BNC2: variants seen among roughly 807,000 people sequenced by gnomAD.
BNC2 encodes basonuclin zinc finger protein 2.
Under a neutral mutation model 76.3 loss-of-function variants are expected in BNC2, and 20 were observed. The ratio of observed to expected loss-of-function variants is 0.26; its 90% CI spans 0.18 to 0.38. The LOEUF (loss-of-function observed/expected upper bound fraction) is 0.38. BNC2 is among the 10% of genes least tolerant of loss of function. The probability of loss-of-function intolerance (pLI) is 1.00; values close to 1 mark genes in which losing one functional copy is unlikely to be tolerated. For synonymous variants in BNC2, 582 were observed against 514.8 expected (o/e 1.13, Z -1.77); for missense variants, 1,382 against 1,399.8 (o/e 0.99, Z 0.20).
intron 6 of BNC2, among the ~76,000 whole-genome samples, chr9:16,426,326 T>A (rs949878034): frequency 2.1e-5 from 1 of 47,010 alleles, no homozygotes; most frequent in Non-Finnish European, 4.1e-5. Flanking sequence ...CATGCCCAGC[T>A]TTTTTTTTTT....
intron 1 of BNC2, among the ~76,000 whole-genome samples, chr9:16,784,338 T>C (rs1249706086): frequency 6.6e-6 from 1 of 152,220 alleles, no homozygotes; most frequent in Non-Finnish European, 1.5e-5. Context: ...ACTACTATAC[T>C]ACCACTACTA....
intron 3 of BNC2, among the ~76,000 whole-genome samples, chr9:16,644,567 T>C (rs777354354): frequency 6.6e-6 from 1 of 152,202 alleles, no homozygotes; most frequent in Non-Finnish European, 1.5e-5. Flanking sequence ...AAAATGTTCA[T>C]CTTTTTCTTT....
At chr9:16,738,634 A>G in intron 1 of BNC2, 149 bp from the exon 2 acceptor site, 1 of 865,982 alleles carries the variant, frequency 1.2e-6, no homozygotes, top group Non-Finnish European at 1.8e-6. Flanking sequence ...TCTAAGGCTG[A>G]TAGTAGCCAA....
intron 5 of BNC2, among the ~76,000 whole-genome samples, chr9:16,509,989 T>C (rs1202572129): frequency 2.0e-5 from 3 of 152,236 alleles, no homozygotes; most frequent in Non-Finnish European, 2.9e-5. Context: ...TTACACTGGT[T>C]AGACCATTTT....
chr9:16,798,256 T>C (rs1343076907), intron 1 of BNC2, among the ~76,000 whole-genome samples: 1 of 152,208 alleles, frequency 6.6e-6, no homozygotes, highest in African/African-American at 2.4e-5. Context: ...CATATATCTT[T>C]GATGTCCCAC....
chr9:16,690,842 G>A (rs766223351), intron 3 of BNC2, among the ~76,000 whole-genome samples: 27 of 152,244 alleles, frequency 1.8e-4, no homozygotes, highest in Non-Finnish European at 2.2e-4. Flanking sequence ...AGAAGGTGAC[G>A]GAGGTGGGGG....
intron 1 of BNC2, among the ~76,000 whole-genome samples, chr9:16,805,412 C>T (rs1334717672): frequency 6.6e-6 from 1 of 152,032 alleles, no homozygotes; most frequent in Non-Finnish European, 1.5e-5. Flanking sequence ...CCGCAACCTC[C>T]GCCTCCTCGG....
chr9:16,542,237 A>T (rs1010006548), intron 5 of BNC2, among the ~76,000 whole-genome samples: 2 of 152,144 alleles, frequency 1.3e-5, no homozygotes, highest in Admixed American at 1.3e-4. Context: ...TACACAGAAA[A>T]ATGACGATGA....
At chr9:16,498,524 G>C (rs1414609382) in intron 5 of BNC2, among the ~76,000 whole-genome samples, 1 of 151,248 alleles carries the variant, frequency 6.6e-6, no homozygotes, top group Non-Finnish European at 1.5e-5. Flanking sequence ...GGGGAAGAGT[G>C]GGAGGGGGGT....
At chr9:16,584,445 A>G (rs1418220868) in intron 3 of BNC2, among the ~76,000 whole-genome samples, 1 of 152,176 alleles carries the variant, frequency 6.6e-6, no homozygotes, top group Admixed American at 6.5e-5. Context: ...TTTCTCTTCC[A>G]TTAATTAATA....
At chr9:16,439,250 A>G (rs916119224) in intron 5 of BNC2, among the ~76,000 whole-genome samples, 1 of 152,196 alleles carries the variant, frequency 6.6e-6, no homozygotes, top group African/African-American at 2.4e-5. Flanking sequence ...GGACAAACAC[A>G]TTGTAAAAAT....
chr9:16,514,994 G>A (rs1001354280), intron 5 of BNC2, among the ~76,000 whole-genome samples: 4 of 152,190 alleles, frequency 2.6e-5, no homozygotes, highest in Non-Finnish European at 5.9e-5. Flanking sequence ...AAAACTGTCT[G>A]GCAGTTACAC....
intron 1 of BNC2, among the ~76,000 whole-genome samples, chr9:16,803,189 T>C (rs1426683372): frequency 2.0e-5 from 3 of 152,326 alleles, no homozygotes; most frequent in African/African-American, 4.8e-5. Flanking sequence ...AAGGCACCAC[T>C]CCTTGGCTCA....
At chr9:16,561,856 T>C (rs1401271664) in intron 4 of BNC2, among the ~76,000 whole-genome samples, 1 of 151,740 alleles carries the variant, frequency 6.6e-6, no homozygotes, top group Non-Finnish European at 1.5e-5. Context: ...ATACAAAAAT[T>C]AGCTGAGCAT....
chr9:16,605,784 C>CTTTTTTTTT (rs34431220), intron 3 of BNC2, among the ~76,000 whole-genome samples: 1 of 110,762 alleles, frequency 9.0e-6, no homozygotes, highest in Non-Finnish European at 1.8e-5. Flanking sequence ...TTCAAGAATT[C>CTTTTTTTTT]TTTTTTTTTT....
chr9:16,805,215 CTT>C (rs1048721127), intron 1 of BNC2, among the ~76,000 whole-genome samples: 2 of 152,134 alleles, frequency 1.3e-5, no homozygotes, highest in African/African-American at 4.8e-5. Flanking sequence ...ATCTGGAAGA[CTT>C]TATGCAAAGG....
chr9:16,727,731 G>C (rs2134988295), intron 3 of BNC2, 66 bp downstream of exon 3: 2 of 1,345,330 alleles, frequency 1.5e-6, no homozygotes, highest in African/African-American at 1.5e-5. Flanking sequence ...AGAAACAAAA[G>C]TGCCCATAAC....
At chr9:16,691,774 G>A (rs986603355) in intron 3 of BNC2, among the ~76,000 whole-genome samples, 1 of 149,478 alleles carries the variant, frequency 6.7e-6, no homozygotes, top group Non-Finnish European at 1.5e-5. Context: ...CTCCCACAGT[G>A]CTGGGATTAC....
chr9:16,610,190 A>G (rs1198647875), intron 3 of BNC2, among the ~76,000 whole-genome samples: 1 of 152,152 alleles, frequency 6.6e-6, no homozygotes, highest in East Asian at 1.9e-4. Flanking sequence ...ATAACAGTAC[A>G]AGGCAATGTA....
Sources: gnomAD v4.1 joint callset for allele counts (sites outside exome capture counted in the v4.1 genomes callset) on GRCh38, gnomAD v4.1.1 for gene constraint, MANE v1.5 for transcripts, NCBI Gene and HGNC (gene_info 2026-07-23, HGNC 2026-07-21) for gene names.